SCFD1: variants seen among roughly 807,000 people sequenced by gnomAD.
The protein encoded by SCFD1 is sec1 family domain-containing protein 1.
In SCFD1, 37 loss-of-function variants were observed where a neutral mutation model predicts 103.2. The observed-to-expected ratio is 0.36, with a 90% CI of 0.28 to 0.47. The LOEUF (loss-of-function observed/expected upper bound fraction) is 0.47, where lower values mean the gene tolerates loss of function less well. Ranked by LOEUF, SCFD1 falls within the 20% of genes least tolerant of loss-of-function variation. The probability of loss-of-function intolerance (pLI) is 1.00; values close to 1 mark genes in which losing one functional copy is unlikely to be tolerated. For missense variants in SCFD1, 639 were observed against 761.2 expected (o/e 0.84, Z 1.89); for synonymous variants, 264 against 245.0 (o/e 1.08, Z -0.73).
intron 23 of SCFD1, among the ~76,000 whole-genome samples, chr14:30,733,491 G>T (rs918999896): frequency 6.6e-6 from 1 of 152,208 alleles, no homozygotes; most frequent in African/African-American, 2.4e-5. Context: ...GGTTAAGAAA[G>T]CTTGGTCCAG....
chr14:30,627,188 G>T (rs1430856135), intron 1 of SCFD1, among the ~76,000 whole-genome samples: 1 of 152,142 alleles, frequency 6.6e-6, no homozygotes, highest in Non-Finnish European at 1.5e-5. Context: ...CACTGTTACA[G>T]ATGAGTGATA....
chr14:30,720,723 T>A (rs1312699697), intron 21 of SCFD1, among the ~76,000 whole-genome samples: 1 of 152,152 alleles, frequency 6.6e-6, no homozygotes, highest in African/African-American at 2.4e-5. Flanking sequence ...ATCTAGAGAT[T>A]ATTTAAAGTA....
chr14:30,659,667 T>C (rs1374368710), intron 10 of SCFD1, among the ~76,000 whole-genome samples: 3 of 152,198 alleles, frequency 2.0e-5, no homozygotes, highest in African/African-American at 7.2e-5. Flanking sequence ...CCCAAATATA[T>C]TGCTGATGCT....
At chr14:30,735,111 C>G (rs1893747963) in intron 24 of SCFD1, 3 of 388,524 alleles carry the variant, frequency 7.7e-6, no homozygotes, top group South Asian at 4.9e-5. Context: ...TTTAGAAATA[C>G]AAAAATATAT....
intron 10 of SCFD1, among the ~76,000 whole-genome samples, chr14:30,659,173 GTTTTT>G (rs542816136): frequency 8.6e-6 from 1 of 116,418 alleles, no homozygotes; most frequent in East Asian, 2.6e-4. Context: ...AGCTGCTATA[GTTTTT>G]TTTTTTTTTT....
chr14:30,720,171 T>C (rs924434949), intron 21 of SCFD1, among the ~76,000 whole-genome samples: 2 of 152,194 alleles, frequency 1.3e-5, no homozygotes, highest in Non-Finnish European at 2.9e-5. Flanking sequence ...ACTTGAAACG[T>C]TATTCCCTTT....
chr14:30,724,165 G>A (rs933580860), intron 23 of SCFD1, among the ~76,000 whole-genome samples: 1 of 140,772 alleles, frequency 7.1e-6, no homozygotes, highest in African/African-American at 2.6e-5. Flanking sequence ...CAGTGATGTT[G>A]AGCTTTTTTT....
chr14:30,690,817 G>C (rs149769073), intron 14 of SCFD1, among the ~76,000 whole-genome samples: 1 of 152,128 alleles, frequency 6.6e-6, no homozygotes, highest in Non-Finnish European at 1.5e-5. Flanking sequence ...GTTCCTATTC[G>C]GCCATCTTGG....
At chr14:30,638,723 C>T (rs1884982392) in intron 5 of SCFD1, among the ~76,000 whole-genome samples, 2 of 152,076 alleles carry the variant, frequency 1.3e-5, no homozygotes, top group Admixed American at 6.5e-5. Flanking sequence ...AGAAAAAGAA[C>T]CCATGACAGG....
chr14:30,708,216 C>T lies in SCFD1; in HGVS notation c.1629+151C>T, dbSNP rs1891608631. 7.0e-5 allele frequency: 42 copies of T among 597,238 alleles called. 1 individual carries two copies. In the South Asian group the frequency reaches 7.7e-4, roughly 11 times the overall value. The allele number at this position is 597,238 out of a possible 1,614,324, so 37.0% of individuals were successfully genotyped here. A position where few individuals can be genotyped will look rare whatever the true frequency, so the allele number is the denominator to read the frequency against. On this transcript the variant is annotated intron_variant, in intron 19 of 24. Transcript: ENST00000458591. Reference sequence around the variant, plus strand: ...TCCTTTTTTTTTAAGTTCTGGGGTACATGTGCAGGGTGTGCTGGTTTGTTA... The same window carrying T: ...TCCTTTTTTTTTAAGTTCTGGGGTATATGTGCAGGGTGTGCTGGTTTGTTA...
intron 19 of SCFD1, among the ~76,000 whole-genome samples, chr14:30,713,561 G>A (rs1434780566): frequency 6.6e-6 from 1 of 151,864 alleles, no homozygotes; most frequent in African/African-American, 2.4e-5. Flanking sequence ...TGTATCCTTA[G>A]GAAAATCTCA....
chr14:30,722,472 T>C (rs769916689), intron 22 of SCFD1, 22 bp from the exon 23 acceptor site: 3 of 1,558,314 alleles, frequency 1.9e-6, no homozygotes, highest in Non-Finnish European at 8.7e-7. Context: ...GTTTTTTTTT[T>C]TTTAATCTGT....
chr14:30,716,406 C>A (rs1402607552), intron 20 of SCFD1, among the ~76,000 whole-genome samples: 1 of 152,154 alleles, frequency 6.6e-6, no homozygotes, highest in Non-Finnish European at 1.5e-5. Context: ...GCACTAAATT[C>A]TTTTGGGCTG....
chr14:30,682,988 C>T, intron 14 of SCFD1: 1 of 839,426 alleles, frequency 1.2e-6, no homozygotes, highest in Non-Finnish European at 1.8e-6. Flanking sequence ...CAAAAAAAGA[C>T]AGACCATCTA....
chr14:30,734,845 A>G lies in SCFD1; in HGVS notation c.1892A>G (p.Gln631Arg), dbSNP rs765883300. 1 of 1,611,470 alleles carries G rather than the reference A, an allele frequency of 6.2e-7. No individual in the cohort carries two copies. The highest frequency in any genetic ancestry group is 8.5e-7 in the Non-Finnish European group (1 of 1,177,688). Residue 631 changes from glutamine (Q) to arginine (R), a missense_variant, in exon 24 of 25, where the codon CAG becomes CGG. By Grantham distance (43) the Gln-to-Arg change is conservative (BLOSUM62 1). Transcript: ENST00000458591. ...TGCAGTGAGCTTTTTAATGCTACAC[A>G]GTTCATAAAACAGGTAAAGTATACA... Reference protein sequence around the residue: ...YGCSELFNATQFIKQLSQLGQ... With the variant: ...YGCSELFNATRFIKQLSQLGQ...
intron 1 of SCFD1, among the ~76,000 whole-genome samples, chr14:30,625,711 G>GCATATAAGTATACC (rs1280686829): frequency 9.3e-6 from 1 of 107,628 alleles, no homozygotes; most frequent in Non-Finnish European, 1.7e-5. Context: ...AGGTATATAG[G>GCATATAAGTATACC]TATATAGGTA....
At chr14:30,679,222 G>A (rs962116443) in intron 14 of SCFD1, among the ~76,000 whole-genome samples, 1 of 144,686 alleles carries the variant, frequency 6.9e-6, no homozygotes, top group African/African-American at 2.8e-5. Flanking sequence ...CTGCTCTCAT[G>A]ATTGGATTTT....
At chr14:30,639,126 A>G (rs1432149432) in intron 5 of SCFD1, among the ~76,000 whole-genome samples, 3 of 152,108 alleles carry the variant, frequency 2.0e-5, no homozygotes, top group Non-Finnish European at 2.9e-5. Flanking sequence ...CAGTGGTGCA[A>G]TCACTGCTTG....
intron 20 of SCFD1, among the ~76,000 whole-genome samples, chr14:30,718,663 A>G (rs1892450603): frequency 6.6e-6 from 1 of 152,236 alleles, no homozygotes; most frequent in African/African-American, 2.4e-5. Flanking sequence ...CTAATTCTAG[A>G]TGCATTTTTA....
Sources: gnomAD v4.1 joint callset for allele counts (sites outside exome capture counted in the v4.1 genomes callset) on GRCh38, gnomAD v4.1.1 for gene constraint, MANE v1.5 for transcripts, NCBI Gene and HGNC (gene_info 2026-07-23, HGNC 2026-07-21) for gene names.